Variants in DAPK3 observed in about 807,000 individuals in gnomAD.
DAPK3 encodes death associated protein kinase 3, also known as death-associated protein kinase 3.
In DAPK3, 24 loss-of-function variants were observed where a neutral mutation model predicts 30.6. The ratio of observed to expected loss-of-function variants is 0.78; its 90% CI spans 0.57 to 1.10. DAPK3 has a LOEUF of 1.10. Ranked by LOEUF, DAPK3 falls within the 50% of genes least tolerant of loss-of-function variation. The probability of loss-of-function intolerance (pLI) is 0.00; values close to 1 mark genes in which losing one functional copy is unlikely to be tolerated. For synonymous variants in DAPK3, 341 were observed against 284.0 expected (o/e 1.20, Z -2.02); for missense variants, 629 against 657.3 (o/e 0.96, Z 0.47).
In DAPK3 at chr19:3,964,611, C is replaced by G. The variant is rs111483407; in HGVS notation, c.423+20G>C. ...CCCCACACTGGCCAGGCCGGCCCCACAGGGCCCTACAGGGCTCACCTTCAG... is the reference window on the plus strand; with the variant it reads ...CCCCACACTGGCCAGGCCGGCCCCAGAGGGCCCTACAGGGCTCACCTTCAG... On this transcript the variant is annotated intron_variant, in intron 3 of 8. Coordinates refer to ENST00000545797, the MANE Select transcript of DAPK3 (RefSeq NM_001348.3). The G allele has an allele frequency of 7.5e-6, 12 of 1,592,534 alleles. No homozygotes were observed. The highest frequency in any genetic ancestry group is 1.1e-5 in the South Asian group (1 of 89,826).
At chr19:3,963,039 T>C (rs1378333858) in intron 6 of DAPK3, among the ~76,000 whole-genome samples, 1 of 150,290 alleles carries the variant, frequency 6.7e-6, no homozygotes, top group Non-Finnish European at 1.5e-5. Flanking sequence ...GAGGTGGGGG[T>C]TGCAGTGAGC....
At chr19:3,961,686 T>C (rs2039517057) in intron 6 of DAPK3, 5 of 361,044 alleles carry the variant, frequency 1.4e-5, no homozygotes, top group South Asian at 1.0e-4. Context: ...TCAGACGCCT[T>C]CTGCAAAACA....
At position 3,959,495 on chromosome 19, in the gene DAPK3, C is replaced by G; in HGVS notation, c.971G>C (p.Arg324Pro). The change falls in exon 9 of 9, where the codon CGC (arginine) becomes CCC (proline). Residue 324 changes from arginine (R) to proline (P), a missense_variant. Coordinates refer to ENST00000545797, the MANE Select transcript of DAPK3 (RefSeq NM_001348.3). ...CGCCTCCTCCAGCACCTTGGAGAAG[C>G]GCTCGAAGTCGGCGTAGCTGTTGTT... The part of the protein sequence containing the change: ...PPNNSYADFE[R>P]FSKVLEEAAA... 6.4e-7 allele frequency: 1 copy of G among 1,556,098 alleles called. No individual in the cohort carries two copies. Among genetic ancestry groups the G allele is most frequent in the Non-Finnish European group, 8.6e-7 (1 of 1,158,040 alleles).
chr19:3,958,916 C>A lies in DAPK3; in HGVS notation c.*185G>T. 1.7e-6 allele frequency: 1 copy of A among 583,132 alleles called. No homozygotes were observed. The highest frequency in any genetic ancestry group is 1.9e-5 in the African/African-American group (1 of 52,182). The allele number at this position is 583,132 out of a possible 1,614,324, so 36.1% of individuals were successfully genotyped here. A position where few individuals can be genotyped will look rare whatever the true frequency, so the allele number is the denominator to read the frequency against. On this transcript the variant is annotated 3_prime_UTR_variant, in exon 9 of 9. Transcript: ENST00000545797. ...TGGAGGCTGTGTAGAGAAGCAGCCC[C>A]GTCCCACACCCACCCCTGCCTGCGA... is the stretch of plus-strand genomic sequence containing the variant.
rs371469059 is a variant in DAPK3, at chr19:3,964,297, T to C, written c.500A>G (p.Lys167Arg). 1.9e-5 allele frequency: 31 copies of C among 1,613,556 alleles called. No individual in the cohort carries two copies. Among genetic ancestry groups the C allele is most frequent in the Non-Finnish European group, 2.4e-5 (28 of 1,179,634 alleles). Residue 167 changes from lysine (K) to arginine (R), a missense_variant, in exon 4 of 9, where the codon AAG (lysine) becomes AGG (arginine). Coordinates refer to ENST00000545797, the MANE Select transcript of DAPK3 (RefSeq NM_001348.3). The part of the protein sequence containing the change: ...IKLIDFGIAH[K>R]IEAGNEFKNI... ...CTTGAACTCGTTCCCCGCCTCGATC[T>C]TGTGCGCGATGCCGAAGTCGATGAG...
chr19:3,963,765 C>T, intron 5 of DAPK3, 96 bp from the exon 6 acceptor site: 2 of 1,237,808 alleles, frequency 1.6e-6, no homozygotes, highest in Non-Finnish European at 2.3e-6. Flanking sequence ...GGCAACGGTC[C>T]CCCCATACCC....
At position 3,963,824 on chromosome 19, in the gene DAPK3, G is replaced by A. The variant is rs371561566; in HGVS notation, c.602+47C>T. 5.0e-5 allele frequency: 68 copies of A among 1,359,510 alleles called. No homozygotes were observed. In the African/African-American group the frequency reaches 5.0e-4, roughly 10 times the overall value. 84.2% of individuals were successfully genotyped at this position (1,359,510 alleles called of 1,614,324 possible). On this transcript the variant is annotated intron_variant, in intron 5 of 8. Transcript: ENST00000545797. The stretch of plus-strand genomic sequence containing the variant: ...ATCCCCAGCTGCAGCACTGGCCTGC[G>A]CTCCAGGAATGCAGGGAGGCCCGGT...
At position 3,963,667 on chromosome 19, in the gene DAPK3, C is replaced by A; in HGVS notation, c.605G>T (p.Ser202Ile). 6.5e-7 allele frequency: 1 copy of A among 1,534,156 alleles called. No individual in the cohort carries two copies. Among genetic ancestry groups the A allele is most frequent in the Non-Finnish European group, 8.8e-7 (1 of 1,141,270 alleles). ...CAGGATATAGGTGATGACACCGATG[C>A]TCCTGGGGACAGACAAGAGGCAAGG... ...EPLGLEADMW[S>I]IGVITYILLS... Residue 202 changes from serine to isoleucine, a missense_variant and splice_region_variant, in exon 6 of 9, where the codon AGC becomes ATC. Coordinates refer to ENST00000545797, the MANE Select transcript of DAPK3 (RefSeq NM_001348.3).
chr19:3,958,544 T>C lies in DAPK3; in HGVS notation c.*557A>G, dbSNP rs1192838392. 2 of 454,178 alleles carry C rather than the reference T, an allele frequency of 4.4e-6. No homozygotes were observed. The highest frequency in any genetic ancestry group is 4.7e-5 in the Admixed American group (2 of 42,324). 28.1% of individuals were successfully genotyped at this position (454,178 alleles called of 1,614,324 possible). A position where few individuals can be genotyped will look rare whatever the true frequency, so the allele number is the denominator to read the frequency against. On this transcript the variant is annotated 3_prime_UTR_variant, in exon 9 of 9. Coordinates refer to ENST00000545797, the MANE Select transcript of DAPK3 (RefSeq NM_001348.3). Reference sequence around the variant, plus strand: ...CGCGACGATGGGGCTCGCGGAGGAGTCCGCAGCAGGGCACCCCACACCCGG... The same window carrying C: ...CGCGACGATGGGGCTCGCGGAGGAGCCCGCAGCAGGGCACCCCACACCCGG...
rs922141244 is a variant in DAPK3, at chr19:3,959,619, C to T, written c.847G>A (p.Val283Met). 1.3e-6 allele frequency: 2 copies of T among 1,581,560 alleles called. No individual in the cohort carries two copies. The highest frequency in any genetic ancestry group is 2.3e-5 in the East Asian group (1 of 44,150). ...SWIKAIRRRN[V>M]RGEDSGRKPE... ...TTGCGGCCGCTGTCCTCACCACGCA[C>T]GTTCCGCCGCCGGATCGCCTAGGAA... Residue 283 changes from valine to methionine, a missense_variant, in exon 9 of 9, where the codon GTG becomes ATG. Coordinates refer to ENST00000545797, the MANE Select transcript of DAPK3 (RefSeq NM_001348.3).
At chr19:3,968,047 T>G (rs56357352) in intron 2 of DAPK3, among the ~76,000 whole-genome samples, 1 of 152,216 alleles carries the variant, frequency 6.6e-6, no homozygotes, top group Admixed American at 6.5e-5. Context: ...AGGCTAGTCT[T>G]GAAGTCCTGG....
Position 3,969,773 on chromosome 19 carries a change from G to C in DAPK3, c.-38C>G. 3 of 1,526,860 alleles carry C rather than the reference G, an allele frequency of 2.0e-6. No homozygotes were observed. The highest frequency in any genetic ancestry group is 2.7e-6 in the Non-Finnish European group (3 of 1,103,932). The allele number at this position is 1,526,860 out of a possible 1,614,324, so 94.6% of individuals were successfully genotyped here. Reference sequence around the variant, plus strand: ...GCCTTCCAGCAGCTTCCACTCCAGGGAAAGTGCAGTCACCGCAGCCTGGAG... The same window carrying C: ...GCCTTCCAGCAGCTTCCACTCCAGGCAAAGTGCAGTCACCGCAGCCTGGAG... On this transcript the variant is annotated 5_prime_UTR_variant, in exon 2 of 9. Transcript: ENST00000545797.
rs1417419369 is a variant in DAPK3, at chr19:3,959,203, C to T, written c.1263G>A (p.Glu421=). The T allele has an allele frequency of 1.2e-6, 2 of 1,600,264 alleles. No individual in the cohort carries two copies. The highest frequency in any genetic ancestry group is 3.4e-5 in the Admixed American group (2 of 59,462). Residue 421 remains glutamate (E), a synonymous_variant, in exon 9 of 9, where the codon GAG becomes GAA. Coordinates refer to ENST00000545797, the MANE Select transcript of DAPK3 (RefSeq NM_001348.3). ...CGGAGGCTACTTGCTTGGCCAGCGC[C>T]TCGTAGCGGTTCTCCAGGCGGCTGA... The part of the protein sequence containing the change: ...RRFSRLENRY[E]ALAKQVASEM...
At chr19:3,970,220 T>G (rs73530385) in intron 1 of DAPK3, among the ~76,000 whole-genome samples, 2,922 of 152,306 alleles carry the variant, frequency 0.019, 108 homozygotes, top group African/African-American at 0.067. Flanking sequence ...CCTTACTCCC[T>G]GGCCAATGTC....
intron 2 of DAPK3, among the ~76,000 whole-genome samples, chr19:3,967,454 A>G (rs1009337792): frequency 6.7e-6 from 1 of 149,142 alleles, no homozygotes. Context: ...CTCCGTCTCA[A>G]AAAAAAAGTG....
intron 2 of DAPK3, among the ~76,000 whole-genome samples, chr19:3,966,910 G>A (rs750453998): frequency 2.6e-5 from 4 of 152,090 alleles, no homozygotes; most frequent in Admixed American, 1.3e-4. Context: ...GTTCCTCTAC[G>A]GAATGTGAAA....
intron 2 of DAPK3, among the ~76,000 whole-genome samples, chr19:3,969,300 G>A (rs994602176): frequency 4.6e-5 from 7 of 152,074 alleles, no homozygotes; most frequent in East Asian, 1.9e-4. Flanking sequence ...TACCACACCT[G>A]GTTAATTTTT....
In DAPK3 at chr19:3,964,269, G is replaced by A. The variant is rs202200405; in HGVS notation, c.528C>T (p.Asn176=). The change falls in exon 4 of 9, where the codon AAC becomes AAT. Residue 176 remains asparagine, a synonymous_variant. Coordinates refer to ENST00000545797, the MANE Select transcript of DAPK3 (RefSeq NM_001348.3). ...HKIEAGNEFK[N]IFGTPEFVAP... is the part of the protein sequence containing the mutation. The stretch of plus-strand genomic sequence containing the variant: ...CCACAAACTCCGGGGTGCCGAAGAT[G>A]TTCTTGAACTCGTTCCCCGCCTCGA... The A allele has an allele frequency of 3.1e-6, 5 of 1,613,394 alleles. No homozygotes were observed. Among genetic ancestry groups the A allele is most frequent in the Non-Finnish European group, 4.2e-6 (5 of 1,179,534 alleles).
chr19:3,961,200 TC>T, intron 6 of DAPK3, 39 bp from the exon 7 acceptor site: 1 of 1,567,786 alleles, frequency 6.4e-7, no homozygotes, highest in Non-Finnish European at 8.7e-7. Flanking sequence ...GGTCCTGGGC[TC>T]CCACCACGGC....
Sources: gnomAD v4.1 joint callset for allele counts (sites outside exome capture counted in the v4.1 genomes callset) on GRCh38, gnomAD v4.1.1 for gene constraint, MANE v1.5 for transcripts, NCBI Gene and HGNC (gene_info 2026-07-23, HGNC 2026-07-21) for gene names.